The following CYBB variants were observed in gnomAD, a reference collection of about 807,000 sequenced individuals.
CYBB encodes cytochrome b-245 beta chain, also known as NADPH oxidase 2.
In CYBB, 5 loss-of-function variants were observed where a neutral mutation model predicts 46.5. That is an observed-to-expected ratio of 0.11 (90% CI 0.06 to 0.23). The LOEUF is 0.23. Among genes scored for constraint, CYBB ranks in the 10% least tolerant of loss-of-function variants. CYBB has a pLI of 1.00. For synonymous variants in CYBB, 183 were observed against 156.7 expected (o/e 1.17, Z -1.26); for missense variants, 307 against 428.3 (o/e 0.72, Z 2.50).
At position 37,792,004 on chromosome X, in the gene CYBB, G is replaced by T. The variant is rs372302110; in HGVS notation, c.282G>T (p.Leu94=). Reference sequence around the variant, plus strand: ...GCTCAACAAGAGTTCGAAGACAACTGGACAGGAATCTCACCTTTCATAAAA... The same window carrying T: ...GCTCAACAAGAGTTCGAAGACAACTTGACAGGAATCTCACCTTTCATAAAA... ...ACCSTRVRRQ[L]DRNLTFHKMV... is the part of the protein sequence containing the mutation. The change falls in exon 4 of 13, where the codon CTG becomes CTT. Residue 94 remains leucine (L), a synonymous_variant. Coordinates refer to ENST00000378588, the MANE Select transcript of CYBB (RefSeq NM_000397.4). 7 of 1,205,985 alleles carry T rather than the reference G, an allele frequency of 5.8e-6. No individual in the cohort carries two copies. In the African/African-American group the frequency reaches 1.2e-4, roughly 21 times the overall value.
In CYBB at chrX:37,799,373, C is replaced by T. The variant is rs782129615; in HGVS notation, c.804+289C>T. Among the ~76,000 whole-genome samples the T allele has an allele frequency of 9.8e-5, 11 of 111,744 alleles. No homozygotes were observed. In the East Asian group the frequency reaches 1.1e-3, roughly 11 times the overall value. The stretch of plus-strand genomic sequence containing the variant: ...GAAGTTCCATCTCTTTTCTTCATGA[C>T]GACGCCAGCTAATGATTTTTAGGGG... On this transcript the variant is annotated intron_variant, in intron 7 of 12. Transcript: ENST00000378588.
rs782493265 is a variant in CYBB, at chrX:37,791,984, A to T, written c.262A>T (p.Thr88Ser). ...CCCCCTTAATCCAAAGTGCTGCTCA[A>T]CAAGAGTTCGAAGACAACTGGACAG... ...FLRGSSACCS[T>S]RVRRQLDRNL... Residue 88 changes from threonine (T) to serine (S), a missense_variant, in exon 4 of 13, where the codon ACA becomes TCA. Thr to Ser is a moderately conservative substitution (Grantham distance 58). Coordinates refer to ENST00000378588, the MANE Select transcript of CYBB (RefSeq NM_000397.4). 8.3e-7 allele frequency: 1 copy of T among 1,204,967 alleles called. No homozygotes were observed. Among genetic ancestry groups the T allele is most frequent in the Admixed American group, 2.2e-5 (1 of 45,917 alleles).
rs57325016 is a variant in CYBB at position 37,795,890 on chromosome X, ATGTGTGTGTGTG to A, written c.484-25_484-14del. The A allele has an allele frequency of 3.8e-3, 2,285 of 595,427 alleles. 30 individuals are homozygous for A. In the African/African-American group the frequency reaches 0.041, roughly 11 times the overall value. The allele number at this position is 595,427 out of a possible 1,213,427, so 49.1% of individuals were successfully genotyped here. Reference sequence around the variant, plus strand: ...AACCTATAATATTGTGCTTGCGCACATGTGTGTGTGTGTGTGTGTGTGTGTGTGTGTGTGTGT... The same window carrying A: ...AACCTATAATATTGTGCTTGCGCACATGTGTGTGTGTGTGTGTGTGTGTGT... On this transcript the variant is annotated intron_variant, in intron 5 of 12. Coordinates refer to ENST00000378588, the MANE Select transcript of CYBB (RefSeq NM_000397.4).
chrX:37,812,651 G>A lies in CYBB; in HGVS notation c.*1734G>A, dbSNP rs1348904149. ...TGAGGGGGATTATTCAAGGGACTAG[G>A]ATGAACTAAATAAGAACTCAGTTGT... On this transcript the variant is annotated 3_prime_UTR_variant, in exon 13 of 13. Transcript: ENST00000378588. 8.9e-6 allele frequency: 1 copy of A among 111,779 alleles called. No homozygotes were observed. The highest frequency in any genetic ancestry group is 1.9e-5 in the Non-Finnish European group (1 of 53,104). 9.2% of individuals were successfully genotyped at this position (111,779 alleles called of 1,213,427 possible). A position where few individuals can be genotyped will look rare whatever the true frequency, so the allele number is the denominator to read the frequency against.
chrX:37,805,864 AG>A (rs1255387054), intron 10 of CYBB, among the ~76,000 whole-genome samples: 3 of 112,169 alleles, frequency 2.7e-5, no homozygotes. Flanking sequence ...AATAAACCTC[AG>A]GCCATTCTAA....
At position 37,797,416 on chromosome X, in the gene CYBB, C is replaced by G. The variant is rs143353046; in HGVS notation, c.674+1275C>G. On this transcript the variant is annotated intron_variant, in intron 6 of 12. Coordinates refer to ENST00000378588, the MANE Select transcript of CYBB (RefSeq NM_000397.4). ...CGCAGATACTCATCTTCCTTTGAAG[C>G]AGACAGAGGAGATATGTTTATCTCC... Among the ~76,000 whole-genome samples, 360 of 111,697 alleles carry G rather than the reference C, an allele frequency of 3.2e-3. 2 individuals are homozygous for G. The highest frequency in any genetic ancestry group is 0.011 in the African/African-American group (334 of 30,743).
intron 3 of CYBB, among the ~76,000 whole-genome samples, chrX:37,784,169 G>A: frequency 9.0e-6 from 1 of 111,362 alleles, no homozygotes; most frequent in African/African-American, 3.3e-5. Context: ...CTAGAAGGGG[G>A]AAAAAATAAG....
At chrX:37,796,720 A>G (rs1186407049) in intron 6 of CYBB, among the ~76,000 whole-genome samples, 1 of 111,902 alleles carries the variant, frequency 8.9e-6, no homozygotes, top group Non-Finnish European at 1.9e-5. Flanking sequence ...AGGGTTTGAC[A>G]TGATATATTT....
intron 10 of CYBB, 95 bp downstream of exon 10, chrX:37,805,263 C>A: frequency 1.1e-6 from 1 of 920,131 alleles, no homozygotes; most frequent in Admixed American, 2.4e-5. Flanking sequence ...TTGGCAGAGA[C>A]CATGGGAAGT....
chrX:37,786,220 G>A (rs1240781495), intron 3 of CYBB, among the ~76,000 whole-genome samples: 2 of 111,730 alleles, frequency 1.8e-5, no homozygotes, highest in East Asian at 5.6e-4. Context: ...ACTCATTGAA[G>A]CTTAATGGAA....
At chrX:37,796,238 GT>G in intron 6 of CYBB, 97 bp downstream of exon 6, 1 of 748,324 alleles carries the variant, frequency 1.3e-6, no homozygotes, top group Non-Finnish European at 2.1e-6. Flanking sequence ...CCTGTGTGTG[GT>G]TAGCCTGTCT....
intron 1 of CYBB, among the ~76,000 whole-genome samples, chrX:37,781,639 A>G (rs1391012658): frequency 1.8e-5 from 2 of 112,075 alleles, no homozygotes; most frequent in Admixed American, 9.5e-5. Flanking sequence ...ATGAGAATTC[A>G]CTAGCTGGAT....
chrX:37,786,272 A>G (rs782519117), intron 3 of CYBB, among the ~76,000 whole-genome samples: 3 of 111,858 alleles, frequency 2.7e-5, no homozygotes, highest in Non-Finnish European at 5.6e-5. Context: ...TAAAGTGGGA[A>G]CAAAATTAAA....
Position 37,809,662 on chromosome X carries a change from A to T in CYBB, c.1557A>T (p.Glu519Asp). The T allele has an allele frequency of 8.3e-7, 1 of 1,209,100 alleles. No individual in the cohort carries two copies. The highest frequency in any genetic ancestry group is 1.1e-6 in the Non-Finnish European group (1 of 894,051). Residue 519 changes from glutamate to aspartate, a missense_variant, in exon 12 of 13, where the codon GAA (glutamate) becomes GAT (aspartate). Glu to Asp is a conservative substitution (Grantham distance 45, BLOSUM62 2). Coordinates refer to ENST00000378588, the MANE Select transcript of CYBB (RefSeq NM_000397.4). ...ATGGACGGCCCAACTGGGATAATGA[A>T]TTCAAGACAATTGCAAGTCAACACC... ...TLYGRPNWDN[E>D]FKTIASQHPN... is the part of the protein sequence containing the mutation.
At chrX:37,801,016 A>G (rs1401881014) in intron 7 of CYBB, among the ~76,000 whole-genome samples, 2 of 112,240 alleles carry the variant, frequency 1.8e-5, no homozygotes, top group Non-Finnish European at 3.8e-5. Flanking sequence ...GGAAAGTTTT[A>G]TCTTGTCAGT....
chrX:37,807,222 C>T (rs1556472010), intron 11 of CYBB, among the ~76,000 whole-genome samples: 1 of 109,851 alleles, frequency 9.1e-6, no homozygotes, highest in African/African-American at 3.3e-5. Context: ...ATGGTATTTT[C>T]AATTTAGTGA....
chrX:37,793,572 A>G (rs1929240164), intron 4 of CYBB, 93 bp from the exon 5 acceptor site: 3 of 994,230 alleles, frequency 3.0e-6, no homozygotes, highest in Non-Finnish European at 4.2e-6. Flanking sequence ...CCTGTGGCTT[A>G]TCATAGAGTC....
chrX:37,808,800 A>G (rs1344686067), intron 11 of CYBB, among the ~76,000 whole-genome samples: 1 of 112,501 alleles, frequency 8.9e-6, no homozygotes, highest in Non-Finnish European at 1.9e-5. Flanking sequence ...TAAATCAGTT[A>G]TTTATTTGTA....
intron 10 of CYBB, 25 bp from the exon 11 acceptor site, chrX:37,806,362 G>A (rs371678661): frequency 6.4e-4 from 770 of 1,206,597 alleles, no homozygotes; most frequent in Middle Eastern, 2.3e-3. Context: ...AATATAATCT[G>A]CTTCATGATC....
Sources: gnomAD v4.1 joint callset for allele counts (sites outside exome capture counted in the v4.1 genomes callset) on GRCh38, gnomAD v4.1.1 for gene constraint, MANE v1.5 for transcripts, NCBI Gene and HGNC (gene_info 2026-07-23, HGNC 2026-07-21) for gene names.